Variants in TBP observed in about 807,000 individuals in gnomAD.
TBP encodes the protein TATA-box-binding protein.
TBP carries 12 observed loss-of-function variants against 46.2 expected under a neutral mutation model. The ratio of observed to expected loss-of-function variants is 0.26; its 90% CI spans 0.17 to 0.42. The LOEUF is 0.42. Among genes scored for constraint, TBP ranks in the 10% least tolerant of loss-of-function variants. The pLI is 1.00. For missense variants in TBP, 229 were observed against 403.1 expected (o/e 0.57, Z 3.70); for synonymous variants, 157 against 148.3 (o/e 1.06, Z -0.42).
At position 170,572,455 on chromosome 6, in the gene TBP, G is replaced by C; in HGVS notation, c.*190G>C. The C allele has an allele frequency of 1.6e-6, 1 of 607,572 alleles. No homozygotes were observed. 37.6% of individuals were successfully genotyped at this position (607,572 alleles called of 1,614,324 possible). On this transcript the variant is annotated 3_prime_UTR_variant, in exon 8 of 8. Coordinates refer to ENST00000392092, the MANE Select transcript of TBP (RefSeq NM_003194.5). ...CGGGAAGGGGCATTATTTGTGCACT[G>C]AGAACACCGCGCAGCGTGACTGTGA...
chr6:170,572,354 T>G lies in TBP; in HGVS notation c.*89T>G, dbSNP rs372303076. ...GTTTTGGTACCTTTAAATGGTGGTG[T>G]TGTGAGAAGATGGATGTTGAGTTGC... On this transcript the variant is annotated 3_prime_UTR_variant, in exon 8 of 8. Transcript: ENST00000392092. The G allele has an allele frequency of 1.7e-4, 188 of 1,100,988 alleles. 1 individual carries two copies. Among genetic ancestry groups the G allele is most frequent in the Middle Eastern group, 6.1e-4 (3 of 4,922 alleles). The allele number at this position is 1,100,988 out of a possible 1,614,324, so 68.2% of individuals were successfully genotyped here.
At position 170,562,122 on chromosome 6, in the gene TBP, C is replaced by T. The variant is rs1475609701; in HGVS notation, c.386C>T (p.Thr129Ile). The change falls in exon 3 of 8, where the codon ACT (threonine) becomes ATT (isoleucine). Residue 129 changes from threonine to isoleucine, a missense_variant. Thr to Ile is a moderately conservative substitution (Grantham distance 89). This residue lies in a region of TBP where 69 missense variants were observed against 66.2 expected (regional missense o/e 1.04). Transcript: ENST00000392092. Reference protein sequence around the residue: ...PQLFHSQTLTTAPLPGTTPLY... With the variant: ...PQLFHSQTLTIAPLPGTTPLY... Reference sequence around the variant, plus strand: ...CTCTTCCACTCACAGACTCTCACAACTGCACCCTTGCCGGGCACCACTCCA... The same window carrying T: ...CTCTTCCACTCACAGACTCTCACAATTGCACCCTTGCCGGGCACCACTCCA... 1.2e-6 allele frequency: 2 copies of T among 1,614,110 alleles called. No individual in the cohort carries two copies. Among genetic ancestry groups the T allele is most frequent in the Non-Finnish European group, 1.7e-6 (2 of 1,180,054 alleles).
At chr6:170,567,299 A>G (rs1779281308) in intron 5 of TBP, 1 of 155,398 alleles carries the variant, frequency 6.4e-6, no homozygotes, top group Admixed American at 6.5e-5. Flanking sequence ...AGCCTGACCA[A>G]CATGGTGAAA....
chr6:170,561,763 A>C (rs767668285), intron 2 of TBP, 28 bp from the exon 3 acceptor site: 1 of 1,598,764 alleles, frequency 6.3e-7, no homozygotes, highest in African/African-American at 1.3e-5. Flanking sequence ...CAGCCAGCCT[A>C]ACCTGTTTTT....
intron 7 of TBP, 25 bp from the exon 8 acceptor site, chr6:170,572,161 T>C: frequency 6.3e-7 from 1 of 1,586,510 alleles, no homozygotes; most frequent in Non-Finnish European, 8.7e-7. Flanking sequence ...CAGTCTCTCA[T>C]CTCTACTCCA....
chr6:170,572,430 C>T lies in TBP; in HGVS notation c.*165C>T, dbSNP rs555601239. Reference sequence around the variant, plus strand: ...TCTGTAAGTGCCCACCGCGGGATGCCGGGAAGGGGCATTATTTGTGCACTG... The same window carrying T: ...TCTGTAAGTGCCCACCGCGGGATGCTGGGAAGGGGCATTATTTGTGCACTG... On this transcript the variant is annotated 3_prime_UTR_variant, in exon 8 of 8. Transcript: ENST00000392092. 12 of 627,198 alleles carry T rather than the reference C, an allele frequency of 1.9e-5. No individual in the cohort carries two copies. The highest frequency in any genetic ancestry group is 8.7e-5 in the Admixed American group (3 of 34,672). 38.9% of individuals were successfully genotyped at this position (627,198 alleles called of 1,614,324 possible). A position where few individuals can be genotyped will look rare whatever the true frequency, so the allele number is the denominator to read the frequency against.
At chr6:170,562,333 G>A (rs1295332668) in intron 3 of TBP, 100 bp downstream of exon 3, 1 of 1,276,734 alleles carries the variant, frequency 7.8e-7, no homozygotes, top group East Asian at 2.5e-5. Flanking sequence ...GGGAGGGAGT[G>A]GCACTAACGG....
chr6:170,566,848 T>C (rs1315116997), intron 4 of TBP, 70 bp from the exon 5 acceptor site: 1 of 1,381,544 alleles, frequency 7.2e-7, no homozygotes, highest in Non-Finnish European at 1.0e-6. Flanking sequence ...TTTTTGTCAA[T>C]GGGTGGTTCG....
At chr6:170,555,397 T>C (rs1172797819) in intron 1 of TBP, among the ~76,000 whole-genome samples, 1 of 152,242 alleles carries the variant, frequency 6.6e-6, no homozygotes, top group Admixed American at 6.5e-5. Flanking sequence ...ATAACTGTTA[T>C]TATTGCCTAT....
intron 4 of TBP, among the ~76,000 whole-genome samples, chr6:170,565,448 G>C (rs1562361106): frequency 6.6e-6 from 1 of 152,182 alleles, no homozygotes; most frequent in Non-Finnish European, 1.5e-5. Context: ...AATGGACTTA[G>C]GGTGCATTTT....
Position 170,559,480 on chromosome 6 carries a change from A to C in TBP, c.55-2311A>C, listed in dbSNP as rs144199880. On this transcript the variant is annotated intron_variant, in intron 2 of 7. Coordinates refer to ENST00000392092, the MANE Select transcript of TBP (RefSeq NM_003194.5). ...AGAAAGTTTGAATGGTCTGGATAGA[A>C]GATCATACCACCCACACATCCCCTT... 4.6e-5 allele frequency among the ~76,000 whole-genome samples: 7 copies of C among 152,346 alleles called. No homozygotes were observed. The East Asian group carries it at 1.4e-3, about 29-fold the overall frequency.
intron 3 of TBP, among the ~76,000 whole-genome samples, 196 bp from the exon 4 acceptor site, chr6:170,564,349 C>T (rs1266873040): frequency 3.3e-5 from 5 of 152,090 alleles, no homozygotes; most frequent in South Asian, 2.1e-4. Context: ...TACCTCAGTG[C>T]GTTATATGTA....
chr6:170,565,875 C>T (rs965767739), intron 4 of TBP, among the ~76,000 whole-genome samples: 9 of 152,032 alleles, frequency 5.9e-5, no homozygotes, highest in Admixed American at 2.0e-4. Context: ...CAGTTCAAGA[C>T]GAGCCTGGGC....
chr6:170,562,171 C>T lies in TBP; in HGVS notation c.435C>T (p.Pro145=), dbSNP rs1779162403. 3 of 1,614,212 alleles carry T rather than the reference C, an allele frequency of 1.9e-6. No homozygotes were observed. Among genetic ancestry groups the T allele is most frequent in the Non-Finnish European group, 2.5e-6 (3 of 1,180,042 alleles). The change falls in exon 3 of 8, where the codon CCC becomes CCT. Residue 145 remains proline, a synonymous_variant. Transcript: ENST00000392092. ...CACTGTATCCCTCCCCCATGACTCC[C>T]ATGACCCCCATCACTCCTGCCACGC... ...TTPLYPSPMT[P]MTPITPATPA... is the part of the protein sequence containing the mutation.
At chr6:170,565,772 T>G (rs1029424395) in intron 4 of TBP, among the ~76,000 whole-genome samples, 3 of 152,144 alleles carry the variant, frequency 2.0e-5, no homozygotes, top group Non-Finnish European at 2.9e-5. Context: ...AGAGCAGGTT[T>G]TAAACTAAAA....
rs554579584 is a variant in TBP at position 170,559,489 on chromosome 6, C to T, written c.55-2302C>T. 3.9e-5 allele frequency among the ~76,000 whole-genome samples: 6 copies of T among 152,254 alleles called. No individual in the cohort carries two copies. The South Asian group carries it at 1.2e-3, about 32-fold the overall frequency. On this transcript the variant is annotated intron_variant, in intron 2 of 7. Transcript: ENST00000392092. ...GAATGGTCTGGATAGAAGATCATACCACCCACACATCCCCTTAAGCCAAAG... is the reference window on the plus strand; with the variant it reads ...GAATGGTCTGGATAGAAGATCATACTACCCACACATCCCCTTAAGCCAAAG...
At chr6:170,562,825 T>G (rs1342234115) in intron 3 of TBP, among the ~76,000 whole-genome samples, 1 of 152,188 alleles carries the variant, frequency 6.6e-6, no homozygotes, top group Non-Finnish European at 1.5e-5. Flanking sequence ...ATAATTCCAG[T>G]CAATAAGAAG....
chr6:170,570,552 G>A (rs1172066386), intron 6 of TBP, among the ~76,000 whole-genome samples: 6 of 152,150 alleles, frequency 3.9e-5, no homozygotes, highest in Admixed American at 3.9e-4. Context: ...TATGTACCAG[G>A]CCTGGCCTGG....
At chr6:170,556,375 TTAAC>T (rs1380752563) in intron 1 of TBP, among the ~76,000 whole-genome samples, 1 of 150,130 alleles carries the variant, frequency 6.7e-6, no homozygotes, top group Non-Finnish European at 1.5e-5. Context: ...TTTTTTTTTT[TTAAC>T]AGTTTCATTA....
Sources: allele counts gnomAD v4.1 joint callset (sites outside exome capture counted in the v4.1 genomes callset), GRCh38; gene constraint gnomAD v4.1.1; regional missense constraint gnomAD v4.1.1; transcripts MANE v1.5; gene names NCBI Gene and HGNC (gene_info 2026-07-23, HGNC 2026-07-21).